The following ELMOD3 variants were observed in gnomAD, a reference collection of about 807,000 sequenced individuals.
ELMOD3 encodes the protein ELMO domain-containing protein 3.
ELMOD3 carries 36 observed loss-of-function variants against 47.4 expected under a neutral mutation model. That is an observed-to-expected ratio of 0.76 (90% CI 0.58 to 1.00). ELMOD3 has a LOEUF of 1.00. Among genes scored for constraint, ELMOD3 ranks in the 50% least tolerant of loss-of-function variants. ELMOD3 has a pLI of 0.00. For synonymous variants in ELMOD3, 149 were observed against 183.5 expected, an observed-to-expected ratio of 0.81 and a Z score of 1.52; for missense variants, 404 against 463.8, an observed-to-expected ratio of 0.87 and a Z score of 1.18.
rs1685148055 is a variant in ELMOD3 at position 85,376,042 on chromosome 2, C to T, written c.608-1302C>T. On this transcript the variant is annotated intron_variant, in intron 10 of 13. Transcript: ENST00000409013. The surrounding 1 kb of genome is among the most constrained non-coding windows in gnomAD (Gnocchi z 4.2). The stretch of plus-strand genomic sequence containing the variant: ...TGCTGATCAGCAACCTTAATTCTAC[C>T]TGCAGTCTTAATCCCCTTTGCCATG... Among the ~76,000 whole-genome samples the T allele has an allele frequency of 6.6e-6, 1 of 152,130 alleles. No individual in the cohort carries two copies. Among genetic ancestry groups the T allele is most frequent in the Non-Finnish European group, 1.5e-5 (1 of 68,016 alleles).
intron 4 of ELMOD3, among the ~76,000 whole-genome samples, chr2:85,359,148 T>C (rs1372845399): frequency 6.6e-6 from 1 of 152,154 alleles, no homozygotes; most frequent in African/African-American, 2.4e-5. Context: ...TTATAAACAG[T>C]ATGACAAAGA....
intron 11 of ELMOD3, among the ~76,000 whole-genome samples, chr2:85,381,994 G>A (rs561874865): frequency 4.6e-5 from 7 of 150,716 alleles, no homozygotes; most frequent in African/African-American, 1.5e-4. Flanking sequence ...GCGGGTGCCT[G>A]TAATCCCAGC....
chr2:85,390,655 A>T, intron 13 of ELMOD3, 105 bp from the exon 14 acceptor site: 2 of 1,490,440 alleles, frequency 1.3e-6, no homozygotes, highest in Non-Finnish European at 1.8e-6. Flanking sequence ...TCTCCATGGG[A>T]TAGGGGTTGG....
rs187926507 is a variant in ELMOD3, at chr2:85,362,487, A to G, written c.129+227A>G. Among the ~76,000 whole-genome samples, 4 of 147,772 alleles carry G rather than the reference A, an allele frequency of 2.7e-5. No homozygotes were observed. The East Asian group carries it at 8.1e-4, about 30-fold the overall frequency. ...TAATGAAGCAGGCTATAAAACGCAGAGAGAATACCAAAGGCACACCACAGT... is the reference window on the plus strand; with the variant it reads ...TAATGAAGCAGGCTATAAAACGCAGGGAGAATACCAAAGGCACACCACAGT... On this transcript the variant is annotated intron_variant, in intron 5 of 13. Coordinates refer to ENST00000409013, the MANE Select transcript of ELMOD3 (RefSeq NM_001135022.2).
chr2:85,371,349 T>A, intron 9 of ELMOD3, 91 bp from the exon 10 acceptor site: 1 of 1,595,450 alleles, frequency 6.3e-7, no homozygotes, highest in Non-Finnish European at 8.6e-7. Context: ...GAACTGGATG[T>A]CTCACAGTCC....
chr2:85,381,310 A>G (rs750367519), intron 11 of ELMOD3, among the ~76,000 whole-genome samples: 2 of 152,240 alleles, frequency 1.3e-5, no homozygotes, highest in Non-Finnish European at 2.9e-5. Context: ...AAGATAAGTC[A>G]TTCTTTTAAC....
chr2:85,389,711 G>A (rs1686188004), intron 11 of ELMOD3, 40 bp from the exon 12 acceptor site: 1 of 1,578,652 alleles, frequency 6.3e-7, no homozygotes, highest in Non-Finnish European at 8.7e-7. Context: ...AACACAGTGA[G>A]AGCTGGAGTT....
chr2:85,382,810 C>G (rs891755276), intron 11 of ELMOD3, among the ~76,000 whole-genome samples: 3 of 152,098 alleles, frequency 2.0e-5, no homozygotes, highest in African/African-American at 4.8e-5. Flanking sequence ...GCCACCGCGT[C>G]TGGCCAGCAC....
rs979017317 is a variant in ELMOD3, at chr2:85,390,939, T to G, written c.1123T>G (p.Ser375Ala). The G allele has an allele frequency of 1.9e-6, 3 of 1,551,438 alleles. No individual in the cohort carries two copies. The highest frequency in any genetic ancestry group is 3.9e-5 in the Admixed American group (2 of 50,962). The stretch of plus-strand genomic sequence containing the variant: ...TGAGAGTGACCTGCAGTCTCACTCA[T>G]CCGAAGGCGTATGGCTGATCTGACC... Reference protein sequence around the residue: ...TGESDLQSHSSEGVWLI With the variant: ...TGESDLQSHSAEGVWLI Residue 375 changes from serine to alanine, a missense_variant, in exon 14 of 14, where the codon TCC (serine) becomes GCC (alanine). Coordinates refer to ENST00000409013, the MANE Select transcript of ELMOD3 (RefSeq NM_001135022.2).
At chr2:85,367,026 C>T (rs958065759) in intron 6 of ELMOD3, among the ~76,000 whole-genome samples, 10 of 152,188 alleles carry the variant, frequency 6.6e-5, no homozygotes, top group East Asian at 1.9e-4. Flanking sequence ...AGAAAAGGGC[C>T]GGATGGTGGC....
At chr2:85,389,858 G>A in intron 12 of ELMOD3, 31 bp downstream of exon 12, 1 of 1,588,832 alleles carries the variant, frequency 6.3e-7, no homozygotes, top group Non-Finnish European at 8.6e-7. Flanking sequence ...TGGTTAGAGT[G>A]ACCCAGCAAA....
At position 85,360,745 on chromosome 2, in the gene ELMOD3, A is replaced by G. The variant is rs181085837; in HGVS notation, c.55-1441A>G. ...TCCAGAAAATTCAGTGAATATGGTA[A>G]CATAGGAACAAACTTAGGCTCATAA... is the stretch of plus-strand genomic sequence containing the variant. On this transcript the variant is annotated intron_variant, in intron 4 of 13. Transcript: ENST00000409013. 163 of 214,990 alleles carry G rather than the reference A, an allele frequency of 7.6e-4. 1 individual carries two copies. The highest frequency in any genetic ancestry group is 3.7e-3 in the African/African-American group (157 of 42,106). 13.3% of individuals were successfully genotyped at this position (214,990 alleles called of 1,614,324 possible). A position where few individuals can be genotyped will look rare whatever the true frequency, so the allele number is the denominator to read the frequency against.
chr2:85,372,688 A>T (rs992284891), intron 10 of ELMOD3: 17 of 151,894 alleles, frequency 1.1e-4, no homozygotes, highest in African/African-American at 4.1e-4. Flanking sequence ...TCAGCAGTTC[A>T]AGACCAGCCT....
Position 85,377,400 on chromosome 2 carries a change from C to T in ELMOD3, c.664C>T (p.Leu222Phe), listed in dbSNP as rs1341280053. 1 of 1,611,392 alleles carries T rather than the reference C, an allele frequency of 6.2e-7. No individual in the cohort carries two copies. Among genetic ancestry groups the T allele is most frequent in the Non-Finnish European group, 8.5e-7 (1 of 1,178,712 alleles). Reference sequence around the variant, plus strand: ...AGGCTTCCTTGCCCTCCTGCATCTGCTCTACCTGGTGATGGACTCAAAGAC... The same window carrying T: ...AGGCTTCCTTGCCCTCCTGCATCTGTTCTACCTGGTGATGGACTCAAAGAC... Reference protein sequence around the residue: ...GAGFLALLHLLYLVMDSKTLP... With the variant: ...GAGFLALLHLFYLVMDSKTLP... The change falls in exon 11 of 14, where the codon CTC becomes TTC. Residue 222 changes from leucine to phenylalanine, a missense_variant. Transcript: ENST00000409013.
intron 4 of ELMOD3, among the ~76,000 whole-genome samples, chr2:85,358,131 T>G (rs563426404): frequency 4.1e-4 from 62 of 151,414 alleles, no homozygotes; most frequent in Admixed American, 9.9e-4. Flanking sequence ...AATACAAAAT[T>G]ATCTGGGCAT....
intron 4 of ELMOD3, among the ~76,000 whole-genome samples, chr2:85,357,865 T>C (rs56352074): frequency 0.4 from 61,573 of 152,068 alleles, 13,503 homozygotes; most frequent in African/African-American, 0.57. Context: ...GGTACACAGA[T>C]GCCTGCAGGA....
intron 11 of ELMOD3, chr2:85,387,311 T>C: frequency 2.3e-6 from 2 of 878,340 alleles, no homozygotes; most frequent in Non-Finnish European, 2.8e-6. Flanking sequence ...TCTTAAGTAA[T>C]GCTCACAGCA....
chr2:85,363,300 A>G (rs1684118484), intron 6 of ELMOD3, 134 bp downstream of exon 6: 1 of 618,684 alleles, frequency 1.6e-6, no homozygotes, highest in South Asian at 1.9e-5. Flanking sequence ...GTCCTTGGGG[A>G]AAAATAGAAT....
chr2:85,360,982 T>C (rs1434959259), intron 4 of ELMOD3: 1 of 154,010 alleles, frequency 6.5e-6, no homozygotes, highest in Non-Finnish European at 1.4e-5. Flanking sequence ...GAAATGATGA[T>C]TTTTTATTTT....
Sources: gnomAD v4.1 joint callset for allele counts (sites outside exome capture counted in the v4.1 genomes callset) on GRCh38, gnomAD v4.1.1 for gene constraint, Gnocchi (gnomAD v3.1) non-coding constraint, MANE v1.5 for transcripts, NCBI Gene and HGNC (gene_info 2026-07-23, HGNC 2026-07-21) for gene names.